PLPPR1: variants seen among roughly 807,000 people sequenced by gnomAD.
The protein encoded by PLPPR1 is phospholipid phosphatase-related protein type 1.
In PLPPR1, 10 loss-of-function variants were observed where a neutral mutation model predicts 33.1. That is an observed-to-expected ratio of 0.30 (90% confidence interval 0.19 to 0.51). The LOEUF is 0.51. Among genes scored for constraint, PLPPR1 ranks in the 20% least tolerant of loss-of-function variants. PLPPR1 has a pLI of 0.97. For missense variants in PLPPR1, 304 were observed against 408.1 expected (o/e 0.74, Z 2.20); for synonymous variants, 151 against 151.0 (o/e 1.00, Z 0.00).
chr9:101,105,996 G>T (rs1430896169), intron 1 of PLPPR1, among the ~76,000 whole-genome samples: 33 of 148,524 alleles, frequency 2.2e-4, no homozygotes, highest in Admixed American at 1.3e-3. Flanking sequence ...GTTTTCCATT[G>T]GCTTGGTAGA....
At chr9:101,163,791 T>C (rs1825803903) in intron 1 of PLPPR1, among the ~76,000 whole-genome samples, 1 of 152,076 alleles carries the variant, frequency 6.6e-6, no homozygotes, top group South Asian at 2.1e-4. Flanking sequence ...GTAAATCTTT[T>C]GGGGGGGCTA....
intron 1 of PLPPR1, among the ~76,000 whole-genome samples, chr9:101,139,260 A>G (rs963154867): frequency 6.6e-6 from 1 of 152,172 alleles, no homozygotes; most frequent in Non-Finnish European, 1.5e-5. Context: ...CTGCGCCTCT[A>G]CATCCTTGGA....
At chr9:101,137,866 C>T (rs1264658486) in intron 1 of PLPPR1, among the ~76,000 whole-genome samples, 1 of 152,146 alleles carries the variant, frequency 6.6e-6, no homozygotes, top group Non-Finnish European at 1.5e-5. Context: ...ACTGTCATAC[C>T]CACTGTGTAA....
intron 1 of PLPPR1, among the ~76,000 whole-genome samples, chr9:101,093,925 A>T (rs1164799397): frequency 6.6e-6 from 1 of 152,114 alleles, no homozygotes; most frequent in African/African-American, 2.4e-5. Flanking sequence ...GATAGGATAC[A>T]TGTTCTCTCT....
At chr9:101,255,193 A>T (rs1329074) in intron 2 of PLPPR1, among the ~76,000 whole-genome samples, 77,714 of 151,958 alleles carry the variant, frequency 0.51, 22,228 homozygotes, top group African/African-American at 0.79. Flanking sequence ...ACTCCTGGCT[A>T]TAGGGGATGA....
intron 1 of PLPPR1, among the ~76,000 whole-genome samples, chr9:101,092,019 T>A (rs1830747147): frequency 6.6e-6 from 1 of 152,160 alleles, no homozygotes; most frequent in South Asian, 2.1e-4. Flanking sequence ...ATTGCTTACA[T>A]CCCCAGCTGC....
chr9:101,314,792 G>A (rs1829022814), intron 6 of PLPPR1, among the ~76,000 whole-genome samples: 1 of 151,766 alleles, frequency 6.6e-6, no homozygotes, highest in Non-Finnish European at 1.5e-5. Flanking sequence ...AAAGTGAAGA[G>A]AAATAAAACA....
At chr9:101,169,620 C>T (rs1371437937) in intron 1 of PLPPR1, among the ~76,000 whole-genome samples, 2 of 151,994 alleles carry the variant, frequency 1.3e-5, no homozygotes, top group Non-Finnish European at 2.9e-5. Flanking sequence ...AAAGACTAGT[C>T]TCTAACAGAG....
At chr9:101,134,481 C>T (rs1831353883) in intron 1 of PLPPR1, among the ~76,000 whole-genome samples, 1 of 151,702 alleles carries the variant, frequency 6.6e-6, no homozygotes, top group Non-Finnish European at 1.5e-5. Context: ...CTCCTGGGCT[C>T]AAGTGATCCT....
Position 101,137,727 on chromosome 9 carries a change from G to A in PLPPR1, c.-45-47723G>A, listed in dbSNP as rs1249832765. ...TGGTACCACTAGAAAATAACTAGAGGCTAAAATGTAATGCAAGAAAATAGT... is the reference window on the plus strand; with the variant it reads ...TGGTACCACTAGAAAATAACTAGAGACTAAAATGTAATGCAAGAAAATAGT... On this transcript the variant is annotated intron_variant, in intron 1 of 7. Coordinates refer to ENST00000374874, the MANE Select transcript of PLPPR1 (RefSeq NM_207299.2). 1.3e-5 allele frequency among the ~76,000 whole-genome samples: 2 copies of A among 152,176 alleles called. 1 individual carries two copies. Among genetic ancestry groups the A allele is most frequent in the Non-Finnish European group, 2.9e-5 (2 of 68,026 alleles).
chr9:101,046,337 T>C (rs1830145395), intron 1 of PLPPR1, among the ~76,000 whole-genome samples: 1 of 151,850 alleles, frequency 6.6e-6, no homozygotes, highest in Admixed American at 6.6e-5. Flanking sequence ...TTACAGTTCA[T>C]ACTTCCCCTC....
chr9:101,264,424 C>G (rs1047553634), intron 2 of PLPPR1, among the ~76,000 whole-genome samples: 2 of 152,156 alleles, frequency 1.3e-5, no homozygotes, highest in Admixed American at 6.5e-5. Context: ...CAATATCCCC[C>G]CTTCCATTGT....
chr9:101,117,982 G>A (rs1831135607), intron 1 of PLPPR1, among the ~76,000 whole-genome samples: 1 of 152,244 alleles, frequency 6.6e-6, no homozygotes, highest in South Asian at 2.1e-4. Flanking sequence ...ACTGTCAGTA[G>A]AGACAGAATG....
chr9:101,078,087 G>GAGGAGAAGGAGA (rs1398427127), intron 1 of PLPPR1, among the ~76,000 whole-genome samples: 6 of 67,864 alleles, frequency 8.8e-5, no homozygotes, highest in African/African-American at 2.9e-4. Context: ...AATGGAGGAG[G>GAGGAGAAGGAGA]AGGAGAAGGA....
At chr9:101,306,904 C>T (rs1404939685) in intron 4 of PLPPR1, among the ~76,000 whole-genome samples, 2 of 152,130 alleles carry the variant, frequency 1.3e-5, no homozygotes, top group African/African-American at 4.8e-5. Flanking sequence ...ACACAAGGAG[C>T]GTAGGGTGAA....
intron 1 of PLPPR1, among the ~76,000 whole-genome samples, chr9:101,046,215 T>A (rs910469800): frequency 6.6e-6 from 1 of 152,036 alleles, no homozygotes; most frequent in African/African-American, 2.4e-5. Flanking sequence ...CTGCCCTTTT[T>A]TTTCCCCAGA....
chr9:101,303,854 C>A (rs762723410), intron 4 of PLPPR1, among the ~76,000 whole-genome samples: 1 of 152,140 alleles, frequency 6.6e-6, no homozygotes. Flanking sequence ...AATACTGAAA[C>A]TGACAACCAT....
At chr9:101,177,504 G>T (rs1220090647) in intron 1 of PLPPR1, among the ~76,000 whole-genome samples, 1 of 152,096 alleles carries the variant, frequency 6.6e-6, no homozygotes, top group Non-Finnish European at 1.5e-5. Flanking sequence ...GTGGTGAAAG[G>T]AATGAGAATC....
intron 1 of PLPPR1, among the ~76,000 whole-genome samples, chr9:101,054,703 C>T (rs1379052321): frequency 6.6e-6 from 1 of 152,180 alleles, no homozygotes; most frequent in African/African-American, 2.4e-5. Context: ...CCTTGACCAT[C>T]AAATGGAGGG....
Sources: gnomAD v4.1 joint callset for allele counts (sites outside exome capture counted in the v4.1 genomes callset) on GRCh38, gnomAD v4.1.1 for gene constraint, MANE v1.5 for transcripts, NCBI Gene and HGNC (gene_info 2026-07-23, HGNC 2026-07-21) for gene names.